Variants in LAMA3 observed in about 807,000 individuals in gnomAD.
The protein encoded by LAMA3 is laminin subunit alpha 3, also known as laminin subunit alpha-3.
A neutral mutation model predicts 402.0 loss-of-function variants in LAMA3; 281 were observed. That is an observed-to-expected ratio of 0.70 (90% CI 0.63 to 0.77). The LOEUF (loss-of-function observed/expected upper bound fraction) is 0.77, where lower values mean the gene tolerates loss of function less well. Ranked by LOEUF, LAMA3 falls within the 30% of genes least tolerant of loss-of-function variation. The pLI, the probability that LAMA3 is intolerant of heterozygous loss-of-function variation, is 0.00. For synonymous variants in LAMA3, 1,431 were observed against 1,558.4 expected, an observed-to-expected ratio of 0.92 and a Z score of 1.93; for missense variants, 3,840 against 4,215.5, an observed-to-expected ratio of 0.91 and a Z score of 2.47.
chr18:23,902,018 A>G (rs1387474742), intron 48 of LAMA3, among the ~76,000 whole-genome samples: 2 of 152,220 alleles, frequency 1.3e-5, no homozygotes, highest in Non-Finnish European at 2.9e-5. Flanking sequence ...TTAAATAGTG[A>G]ACATTGTATG....
intron 8 of LAMA3, 41 bp downstream of exon 8, chr18:23,763,564 G>A (rs1190955712): frequency 1.7e-6 from 2 of 1,179,824 alleles, no homozygotes; most frequent in Non-Finnish European, 2.6e-6. Context: ...GTTGTCATGG[G>A]GAATGAGTAT....
In LAMA3 at chr18:23,816,490, G is replaced by GA. The variant is rs755641893; in HGVS notation, c.2147+4dup. 1.2e-6 allele frequency: 2 copies of GA among 1,611,114 alleles called. No individual in the cohort carries two copies. Among genetic ancestry groups the GA allele is most frequent in the Non-Finnish European group, 1.7e-6 (2 of 1,177,520 alleles). ...GTCGTGGGAAAGGTGTGCCAGCGGT[G>GA]AGTCTTCGGGAGGCTTCTTCCCATG... On this transcript the variant is annotated splice_donor_region_variant and intron_variant, in intron 18 of 74. Transcript: ENST00000313654.
chr18:23,738,703 C>G lies in LAMA3; in HGVS notation c.448-9240C>G, dbSNP rs915493862. 1.8e-4 allele frequency among the ~76,000 whole-genome samples: 27 copies of G among 152,314 alleles called. No homozygotes were observed. In the South Asian group the frequency reaches 4.8e-3, roughly 27 times the overall value. Reference sequence around the variant, plus strand: ...GTCAGCCCTGAGCCTGGACAGGGGACTCAGGACACCCCTGCTGGGATCAGC... The same window carrying G: ...GTCAGCCCTGAGCCTGGACAGGGGAGTCAGGACACCCCTGCTGGGATCAGC... On this transcript the variant is annotated intron_variant, in intron 2 of 74. Coordinates refer to ENST00000313654, the MANE Select transcript of LAMA3 (RefSeq NM_198129.4).
chr18:23,946,040 A>T (rs957330077), intron 69 of LAMA3, 104 bp from the exon 70 acceptor site: 38 of 1,089,746 alleles, frequency 3.5e-5, no homozygotes, highest in Non-Finnish European at 5.1e-5. Context: ...TATTTGAAGG[A>T]GCATGAAAAC....
At chr18:23,716,297 A>G (rs1293133926) in intron 2 of LAMA3, among the ~76,000 whole-genome samples, 1 of 152,050 alleles carries the variant, frequency 6.6e-6, no homozygotes, top group Non-Finnish European at 1.5e-5. Flanking sequence ...AGCTGGGACT[A>G]CAGGCATGTG....
chr18:23,800,218 A>G (rs1399137936), intron 12 of LAMA3, among the ~76,000 whole-genome samples: 4 of 152,188 alleles, frequency 2.6e-5, no homozygotes, highest in African/African-American at 7.2e-5. Flanking sequence ...AACATGATAC[A>G]ACTATCCTGT....
At chr18:23,855,810 C>T (rs951067611) in intron 32 of LAMA3, among the ~76,000 whole-genome samples, 2 of 152,176 alleles carry the variant, frequency 1.3e-5, no homozygotes, top group Non-Finnish European at 1.5e-5. Flanking sequence ...TTTGAGGCTA[C>T]TTCCTTATGG....
intron 1 of LAMA3, among the ~76,000 whole-genome samples, chr18:23,697,735 C>T (rs75774568): frequency 0.037 from 4,849 of 129,718 alleles, 122 homozygotes; most frequent in Non-Finnish European, 0.048. Flanking sequence ...GAATCTGAAA[C>T]ATTTTTGGCC....
chr18:23,758,761 G>A (rs1370970783), intron 7 of LAMA3, among the ~76,000 whole-genome samples: 1 of 152,194 alleles, frequency 6.6e-6, no homozygotes, highest in Admixed American at 6.5e-5. Context: ...GCTTTAATAC[G>A]TTGACCTCTT....
intron 12 of LAMA3, among the ~76,000 whole-genome samples, chr18:23,807,712 G>T (rs1323994102): frequency 6.6e-6 from 1 of 152,108 alleles, no homozygotes; most frequent in Non-Finnish European, 1.5e-5. Context: ...TCACCTGATT[G>T]GATGAGGACC....
chr18:23,725,980 A>G (rs868269683), intron 2 of LAMA3, among the ~76,000 whole-genome samples: 1 of 152,202 alleles, frequency 6.6e-6, no homozygotes, highest in Non-Finnish European at 1.5e-5. Context: ...GTTTACCTTT[A>G]TCACTCCTCA....
intron 62 of LAMA3, 78 bp downstream of exon 62, chr18:23,921,663 C>T: frequency 7.1e-7 from 1 of 1,401,800 alleles, no homozygotes; most frequent in Non-Finnish European, 1.0e-6. Flanking sequence ...TCTGGTCTGC[C>T]ATTTTTAATT....
chr18:23,886,214 T>C (rs1422664486), intron 41 of LAMA3, among the ~76,000 whole-genome samples: 1 of 152,212 alleles, frequency 6.6e-6, no homozygotes, highest in Admixed American at 6.5e-5. Flanking sequence ...GGTCAGAGGA[T>C]AGGTTTTCCA....
chr18:23,939,192 CT>C, intron 67 of LAMA3, 30 bp from the exon 68 acceptor site: 1 of 1,609,252 alleles, frequency 6.2e-7, no homozygotes, highest in South Asian at 1.1e-5. Context: ...ACTCTTTCCC[CT>C]GATAATTGTG....
In LAMA3 at chr18:23,952,524, A is replaced by G. The variant is rs1484122709; in HGVS notation, c.9737-466A>G. On this transcript the variant is annotated intron_variant, in intron 73 of 74. Transcript: ENST00000313654. ...TTCTTGGCTAATTTAAAAGATAACT[A>G]CATTGCAATTAGCTGAGATCATTAA... is the stretch of plus-strand genomic sequence containing the variant. 2.6e-5 allele frequency among the ~76,000 whole-genome samples: 4 copies of G among 152,244 alleles called. No homozygotes were observed. The East Asian group carries it at 7.7e-4, about 29-fold the overall frequency.
chr18:23,861,891 G>A, intron 35 of LAMA3, 84 bp downstream of exon 35: 1 of 1,403,716 alleles, frequency 7.1e-7, no homozygotes. Context: ...AATCTGGAAG[G>A]AAGCATCCAG....
chr18:23,878,307 T>C (rs1044071859), intron 39 of LAMA3, among the ~76,000 whole-genome samples: 1 of 152,238 alleles, frequency 6.6e-6, no homozygotes, highest in African/African-American at 2.4e-5. Context: ...ATTTTTTTTG[T>C]AGTTCTGTCT....
chr18:23,854,312 A>G (rs2064014565), intron 32 of LAMA3, among the ~76,000 whole-genome samples: 2 of 152,360 alleles, frequency 1.3e-5, no homozygotes, highest in Admixed American at 1.3e-4. Context: ...CCCTTGCTGC[A>G]GGTACTCTTG....
chr18:23,758,516 G>C lies in LAMA3; in HGVS notation c.1063+5G>C. The C allele has an allele frequency of 6.2e-7, 1 of 1,608,596 alleles. No individual in the cohort carries two copies. Among genetic ancestry groups the C allele is most frequent in the Non-Finnish European group, 8.5e-7 (1 of 1,176,938 alleles). ...AGCAGAGCCACGAGTGTGAAGGTGG[G>C]TGTGGGGATGGGGTGGGGGCCACAC... On this transcript the variant is annotated splice_donor_5th_base_variant and intron_variant, in intron 7 of 74. Coordinates refer to ENST00000313654, the MANE Select transcript of LAMA3 (RefSeq NM_198129.4).
Sources: allele counts gnomAD v4.1 joint callset (sites outside exome capture counted in the v4.1 genomes callset), GRCh38; gene constraint gnomAD v4.1.1; transcripts MANE v1.5; gene names NCBI Gene and HGNC (gene_info 2026-07-23, HGNC 2026-07-21).